Variants in ZNF429 observed in about 807,000 individuals in gnomAD.
The protein encoded by ZNF429 is zinc finger protein 429.
Under a neutral mutation model 56.8 loss-of-function variants are expected in ZNF429, and 53 were observed. The ratio of observed to expected loss-of-function variants is 0.93; its 90% CI spans 0.75 to 1.17. ZNF429 has a LOEUF of 1.17. Ranked by LOEUF, ZNF429 falls within the 50% of genes most tolerant of loss-of-function variation. ZNF429 has a pLI of 0.00. For missense variants in ZNF429, 849 were observed against 788.4 expected, an observed-to-expected ratio of 1.08 and a Z score of -0.92; for synonymous variants, 278 against 264.7, an observed-to-expected ratio of 1.05 and a Z score of -0.49.
chr19:21,537,018 T>G lies in ZNF429; in HGVS notation c.965T>G (p.Phe322Cys). 1.2e-6 allele frequency: 2 copies of G among 1,614,034 alleles called. No individual in the cohort carries two copies. Among genetic ancestry groups the G allele is most frequent in the Non-Finnish European group, 1.7e-6 (2 of 1,179,966 alleles). The change falls in exon 4 of 4, where the codon TTT (phenylalanine) becomes TGT (cysteine). Residue 322 changes from phenylalanine to cysteine, a missense_variant. Coordinates refer to ENST00000358491, the MANE Select transcript of ZNF429 (RefSeq NM_001001415.4). ...AAATGTAAAGAATGTGGCAAAGCCT[T>G]TAACCGGTCCTCAACCCTTACTAGC... ...PYKCKECGKA[F>C]NRSSTLTSHK... is the part of the protein sequence containing the mutation.
Position 21,537,423 on chromosome 19 carries a change from A to C in ZNF429, c.1370A>C (p.Glu457Ala). 6.2e-7 allele frequency: 1 copy of C among 1,613,678 alleles called. No individual in the cohort carries two copies. The stretch of plus-strand genomic sequence containing the variant: ...GAAGAGAAACCCTATAAATGTAACG[A>C]ATGTGGCAAAGCTTTTAACCGGTCC... The part of the protein sequence containing the change: ...HTEEKPYKCN[E>A]CGKAFNRSSH... Residue 457 changes from glutamate (E) to alanine (A), a missense_variant, in exon 4 of 4, where the codon GAA becomes GCA. Glu to Ala is a moderately radical substitution (Grantham distance 107). Coordinates refer to ENST00000358491, the MANE Select transcript of ZNF429 (RefSeq NM_001001415.4).
rs2033749095 is a variant in ZNF429 at position 21,537,519 on chromosome 19, C to G, written c.1466C>G (p.Ala489Gly). The G allele has an allele frequency of 3.1e-6, 5 of 1,613,544 alleles. No individual in the cohort carries two copies. The East Asian group carries it at 8.9e-5, about 29-fold the overall frequency. ...KPYKCEECGK[A>G]FKQSSNLNSH... The stretch of plus-strand genomic sequence containing the variant: ...TACAAATGTGAAGAATGTGGCAAAG[C>G]CTTTAAGCAGTCCTCAAACCTTAAC... The change falls in exon 4 of 4, where the codon GCC becomes GGC. Residue 489 changes from alanine (A) to glycine (G), a missense_variant. Physicochemically the swap from Ala to Gly is moderately conservative, Grantham distance 60 (BLOSUM62 0). Coordinates refer to ENST00000358491, the MANE Select transcript of ZNF429 (RefSeq NM_001001415.4).
intron 1 of ZNF429, among the ~76,000 whole-genome samples, chr19:21,513,705 C>G (rs2032607943): frequency 6.6e-6 from 1 of 152,196 alleles, no homozygotes; most frequent in Non-Finnish European, 1.5e-5. Flanking sequence ...AGGCTCTGCT[C>G]TCCTGTACAC....
Position 21,530,646 on chromosome 19 carries a change from G to C in ZNF429, c.188G>C (p.Cys63Ser). ...ITCLEKEKEPCKMKRHEMVDE... is the reference protein window; with the variant it reads ...ITCLEKEKEPSKMKRHEMVDE... ...TGTCTAGAGAAAGAAAAAGAACCCT[G>C]CAAGATGAAGCGACATGAAATGGTG... The change falls in exon 3 of 4, where the codon TGC (cysteine) becomes TCC (serine). Residue 63 changes from cysteine to serine, a missense_variant. Physicochemically the swap from Cys to Ser is moderately radical, Grantham distance 112. Transcript: ENST00000358491. 6.2e-7 allele frequency: 1 copy of C among 1,612,254 alleles called. No individual in the cohort carries two copies. The highest frequency in any genetic ancestry group is 1.3e-5 in the African/African-American group (1 of 74,968).
chr19:21,540,591 T>G lies in ZNF429; in HGVS notation c.*2513T>G, dbSNP rs893414063. Reference sequence around the variant, plus strand: ...GTTATTTTAAAGTGTACAATTAAATTGCTATTGACTGCATGGTTATCTTTG... The same window carrying G: ...GTTATTTTAAAGTGTACAATTAAATGGCTATTGACTGCATGGTTATCTTTG... On this transcript the variant is annotated 3_prime_UTR_variant, in exon 4 of 4. Transcript: ENST00000358491. Among the ~76,000 whole-genome samples, 1 of 152,212 alleles carries G rather than the reference T, an allele frequency of 6.6e-6. No individual in the cohort carries two copies. Among genetic ancestry groups the G allele is most frequent in the Middle Eastern group, 3.4e-3 (1 of 294 alleles).
intron 3 of ZNF429, among the ~76,000 whole-genome samples, 164 bp from the exon 4 acceptor site, chr19:21,536,116 A>G: frequency 9.4e-5 from 11 of 117,498 alleles, no homozygotes; most frequent in African/African-American, 2.7e-4. Context: ...TATTTTGGTT[A>G]GTATGTCTTT....
chr19:21,516,376 C>T (rs1467428115), intron 1 of ZNF429, among the ~76,000 whole-genome samples: 1 of 152,148 alleles, frequency 6.6e-6, no homozygotes, highest in Non-Finnish European at 1.5e-5. Context: ...TGTGAGCCAC[C>T]ATGCCCAGCC....
intron 1 of ZNF429, among the ~76,000 whole-genome samples, chr19:21,512,962 C>A (rs1376340491): frequency 6.6e-6 from 1 of 151,538 alleles, no homozygotes; most frequent in Admixed American, 6.6e-5. Context: ...AGCTCCGCCT[C>A]CTGGGTTCAC....
chr19:21,511,238 C>A (rs952889356), intron 1 of ZNF429, among the ~76,000 whole-genome samples: 1 of 151,698 alleles, frequency 6.6e-6, no homozygotes, highest in East Asian at 2.0e-4. Flanking sequence ...CCGGACGGGG[C>A]GGCTGGCCCG....
Position 21,535,396 on chromosome 19 carries a change from T to TC in ZNF429, c.227-883dup. On this transcript the variant is annotated intron_variant, in intron 3 of 3. Coordinates refer to ENST00000358491, the MANE Select transcript of ZNF429 (RefSeq NM_001001415.4). ...TTCTTTCTTTTTTACTTTCTTTCTT[T>TC]CTTTCTTTCTTTTTCTTTTCTTTCT... is the stretch of plus-strand genomic sequence containing the variant. Among the ~76,000 whole-genome samples, 12 of 49,132 alleles carry TC rather than the reference T, an allele frequency of 2.4e-4. 1 individual carries two copies. Among genetic ancestry groups the TC allele is most frequent in the African/African-American group, 1.2e-3 (6 of 5,006 alleles). The allele number at this position is 49,132 out of a possible 152,430, so 32.2% of individuals were successfully genotyped here. A position where few individuals can be genotyped will look rare whatever the true frequency, so the allele number is the denominator to read the frequency against.
Position 21,535,496 on chromosome 19 carries a change from C to CTT in ZNF429, c.227-783_227-782dup. 1.1e-3 allele frequency among the ~76,000 whole-genome samples: 81 copies of CTT among 73,458 alleles called. 5 individuals carry two copies. Among genetic ancestry groups the CTT allele is most frequent in the African/African-American group, 4.3e-3 (78 of 18,006 alleles). 48.2% of individuals were successfully genotyped at this position (73,458 alleles called of 152,430 possible). A position where few individuals can be genotyped will look rare whatever the true frequency, so the allele number is the denominator to read the frequency against. On this transcript the variant is annotated intron_variant, in intron 3 of 3. Transcript: ENST00000358491. ...TCTTTCTTTCTTTCTTTCTTTCTTT[C>CTT]TTCTTTCTTTCTTTCTTTCCTTCTT...
chr19:21,523,387 C>T (rs556285970), intron 1 of ZNF429, among the ~76,000 whole-genome samples: 35 of 152,148 alleles, frequency 2.3e-4, no homozygotes, highest in Non-Finnish European at 4.6e-4. Flanking sequence ...TACATTTGCA[C>T]CAACCTAATA....
chr19:21,505,885 C>T, intron 1 of ZNF429, 111 bp downstream of exon 1: 2 of 1,198,480 alleles, frequency 1.7e-6, no homozygotes, highest in South Asian at 2.6e-5. Context: ...CAATCTGCGC[C>T]CGGAATTCTC....
At chr19:21,532,882 G>C in intron 3 of ZNF429, among the ~76,000 whole-genome samples, 2 of 152,052 alleles carry the variant, frequency 1.3e-5, no homozygotes, top group Non-Finnish European at 2.9e-5. Flanking sequence ...ATTTTTAGTA[G>C]AGACAGGGTT....
intron 3 of ZNF429, among the ~76,000 whole-genome samples, chr19:21,535,525 CT>C: frequency 8.1e-6 from 1 of 123,558 alleles, no homozygotes. Flanking sequence ...CCTTCTTTTT[CT>C]TTTTTTGAGA....
chr19:21,512,875 CT>C (rs796247587), intron 1 of ZNF429, among the ~76,000 whole-genome samples: 349 of 142,178 alleles, frequency 2.5e-3, no homozygotes, highest in Middle Eastern at 3.6e-3. Context: ...CCATCTAAGT[CT>C]TTTTTTTTTT....
intron 1 of ZNF429, among the ~76,000 whole-genome samples, chr19:21,527,977 C>T (rs539744102): frequency 7.9e-5 from 12 of 152,218 alleles, no homozygotes; most frequent in Admixed American, 4.6e-4. Context: ...TGTATTTTTC[C>T]TCCCTAATGA....
chr19:21,520,988 T>C (rs543867703), intron 1 of ZNF429, among the ~76,000 whole-genome samples: 6 of 152,334 alleles, frequency 3.9e-5, no homozygotes, highest in Admixed American at 2.6e-4. Context: ...TTTTGAAATA[T>C]AGTGTTTTAA....
At chr19:21,534,811 T>C in intron 3 of ZNF429, among the ~76,000 whole-genome samples, 3 of 148,354 alleles carry the variant, frequency 2.0e-5, no homozygotes, top group African/African-American at 5.0e-5. Context: ...TTTTTGTTCG[T>C]TTGTTTGTTT....
Sources: gnomAD v4.1 joint callset for allele counts (sites outside exome capture counted in the v4.1 genomes callset) on GRCh38, gnomAD v4.1.1 for gene constraint, MANE v1.5 for transcripts, NCBI Gene and HGNC (gene_info 2026-07-23, HGNC 2026-07-21) for gene names.